VAX2: variants seen among roughly 807,000 people sequenced by gnomAD.
VAX2 encodes ventral anterior homeobox 2.
VAX2 carries 8 observed loss-of-function variants against 12.5 expected under a neutral mutation model. The ratio of observed to expected loss-of-function variants is 0.64; its 90% CI spans 0.37 to 1.15. The LOEUF (loss-of-function observed/expected upper bound fraction) is 1.15. VAX2 is among the 50% of genes most tolerant of loss of function. VAX2 has a pLI of 0.01. For missense variants in VAX2, 476 were observed against 412.9 expected (o/e 1.15, Z -1.32); for synonymous variants, 183 against 187.6 (o/e 0.98, Z 0.20).
intron 1 of VAX2, among the ~76,000 whole-genome samples, chr2:70,903,426 G>C (rs1678978386): frequency 6.6e-6 from 1 of 152,188 alleles, no homozygotes; most frequent in African/African-American, 2.4e-5. Context: ...ATACCACAGG[G>C]GGGTGGGGGG....
At chr2:70,910,501 G>A (rs782509863) in intron 1 of VAX2, among the ~76,000 whole-genome samples, 10 of 151,812 alleles carry the variant, frequency 6.6e-5, no homozygotes, top group East Asian at 5.8e-4. Flanking sequence ...ATTTCTCTAC[G>A]TCCTCCCAAC....
intron 1 of VAX2, among the ~76,000 whole-genome samples, chr2:70,910,769 C>T (rs1399465569): frequency 6.0e-5 from 9 of 149,066 alleles, no homozygotes; most frequent in African/African-American, 2.2e-4. Flanking sequence ...CAAACAACTC[C>T]CAGGTCACTT....
intron 2 of VAX2, among the ~76,000 whole-genome samples, chr2:70,931,541 C>A (rs1038375651): frequency 8.5e-5 from 13 of 152,356 alleles, no homozygotes; most frequent in African/African-American, 3.1e-4. Flanking sequence ...AGGCATCTGG[C>A]CCCTCCTCTG....
intron 1 of VAX2, among the ~76,000 whole-genome samples, chr2:70,916,294 C>T (rs1040207975): frequency 6.6e-6 from 1 of 152,214 alleles, no homozygotes; most frequent in East Asian, 1.9e-4. Context: ...TGGCATTTTA[C>T]AAACCTATAG....
intron 1 of VAX2, among the ~76,000 whole-genome samples, chr2:70,903,113 G>GCT (rs1678969959): frequency 6.6e-6 from 1 of 152,162 alleles, no homozygotes; most frequent in Non-Finnish European, 1.5e-5. Flanking sequence ...ATGGCTCAGG[G>GCT]CTCTGATCAA....
intron 2 of VAX2, among the ~76,000 whole-genome samples, chr2:70,931,654 T>G (rs546539303): frequency 6.6e-6 from 1 of 152,304 alleles, no homozygotes; most frequent in Admixed American, 6.5e-5. Flanking sequence ...GCCAACAAAG[T>G]GTCCAGTTTC....
At chr2:70,921,379 A>G in intron 2 of VAX2, 94 bp downstream of exon 2, 2 of 1,373,016 alleles carry the variant, frequency 1.5e-6, no homozygotes, top group Non-Finnish European at 1.9e-6. Flanking sequence ...AGGGAGACCC[A>G]ACTTTGGAGG....
chr2:70,916,595 C>A (rs1368434993), intron 1 of VAX2, among the ~76,000 whole-genome samples: 8 of 152,110 alleles, frequency 5.3e-5, no homozygotes, highest in Non-Finnish European at 1.2e-4. Flanking sequence ...AATTTTGTTA[C>A]CTTTATATTA....
intron 1 of VAX2, among the ~76,000 whole-genome samples, chr2:70,903,084 T>C (rs1678969435): frequency 6.6e-6 from 1 of 152,152 alleles, no homozygotes; most frequent in South Asian, 2.1e-4. Context: ...GGGTCACCTG[T>C]GTTACTGGCA....
At chr2:70,912,852 C>T (rs1679220137) in intron 1 of VAX2, among the ~76,000 whole-genome samples, 1 of 152,052 alleles carries the variant, frequency 6.6e-6, no homozygotes, top group Non-Finnish European at 1.5e-5. Flanking sequence ...CAAGCAAAGG[C>T]TCTTGGGCAG....
chr2:70,931,853 G>A (rs1553414362), intron 2 of VAX2, among the ~76,000 whole-genome samples: 1 of 152,210 alleles, frequency 6.6e-6, no homozygotes, highest in African/African-American at 2.4e-5. Context: ...AGCCAGGGTG[G>A]GCCATGAGCC....
chr2:70,930,093 G>A (rs2104788172), intron 2 of VAX2, among the ~76,000 whole-genome samples: 1 of 152,362 alleles, frequency 6.6e-6, no homozygotes, highest in East Asian at 1.9e-4. Context: ...CAGAACTTGG[G>A]AGGCTGAGGC....
chr2:70,900,883 C>T lies in VAX2; in HGVS notation c.247+15C>T. 2.9e-6 allele frequency: 4 copies of T among 1,386,770 alleles called. No homozygotes were observed. The highest frequency in any genetic ancestry group is 1.9e-6 in the Non-Finnish European group (2 of 1,066,082). 85.9% of individuals were successfully genotyped at this position (1,386,770 alleles called of 1,614,324 possible). On this transcript the variant is annotated intron_variant, in intron 1 of 2. Transcript: ENST00000234392. ...ACTGGTGCGAGGTAAGGGGACAGCC[C>T]GCGGCCCTGCTCCACTGGACCCTCA...
At chr2:70,921,634 G>A (rs1341992941) in intron 2 of VAX2, among the ~76,000 whole-genome samples, 3 of 151,994 alleles carry the variant, frequency 2.0e-5, no homozygotes, top group Non-Finnish European at 4.4e-5. Flanking sequence ...GGATGGTGAG[G>A]GCTTGGCTGG....
At chr2:70,915,611 A>T (rs1679292198) in intron 1 of VAX2, among the ~76,000 whole-genome samples, 5 of 152,158 alleles carry the variant, frequency 3.3e-5, no homozygotes, top group Admixed American at 3.3e-4. Flanking sequence ...ATTTTTTTGT[A>T]ATGCCCTTAT....
intron 1 of VAX2, among the ~76,000 whole-genome samples, chr2:70,913,311 C>T (rs1420510195): frequency 6.6e-6 from 1 of 152,130 alleles, no homozygotes; most frequent in African/African-American, 2.4e-5. Flanking sequence ...TGGTAATATC[C>T]CCTTATCTTA....
Position 70,932,901 on chromosome 2 carries a change from G to A in VAX2, c.570G>A (p.Arg190=). ...SNILRLLEQG[R]LLSVPRAPSL... ...TTCTGCGGCTGCTGGAGCAGGGCCG[G>A]CTGCTCTCTGTGCCCAGGGCCCCTA... Residue 190 remains arginine (R), a synonymous_variant, in exon 3 of 3, where the codon CGG becomes CGA. Transcript: ENST00000234392. The A allele has an allele frequency of 6.2e-7, 1 of 1,613,300 alleles. No individual in the cohort carries two copies. Among genetic ancestry groups the A allele is most frequent in the Non-Finnish European group, 8.5e-7 (1 of 1,179,936 alleles).
At chr2:70,907,487 C>G (rs578054674) in intron 1 of VAX2, among the ~76,000 whole-genome samples, 102 of 152,344 alleles carry the variant, frequency 6.7e-4, no homozygotes, top group African/African-American at 2.4e-3. Flanking sequence ...ACGGCTGGAG[C>G]CAAAAATAAC....
intron 1 of VAX2, among the ~76,000 whole-genome samples, chr2:70,903,698 G>A (rs1445547853): frequency 2.0e-5 from 3 of 152,196 alleles, no homozygotes; most frequent in Non-Finnish European, 2.9e-5. Flanking sequence ...AGAAGGAAGG[G>A]TGTAGCTCTG....
Sources: allele counts gnomAD v4.1 joint callset (sites outside exome capture counted in the v4.1 genomes callset), GRCh38; gene constraint gnomAD v4.1.1; transcripts MANE v1.5; gene names NCBI Gene and HGNC (gene_info 2026-07-23, HGNC 2026-07-21).